The following DNMBP variants were observed in gnomAD, a reference collection of about 807,000 sequenced individuals.
DNMBP encodes the protein dynamin binding protein, also known as dynamin-binding protein.
Under a neutral mutation model 150.0 loss-of-function variants are expected in DNMBP, and 87 were observed. That is an observed-to-expected ratio of 0.58 (90% confidence interval 0.49 to 0.69). The LOEUF (loss-of-function observed/expected upper bound fraction) is 0.69. Among genes scored for constraint, DNMBP ranks in the 30% least tolerant of loss-of-function variants. DNMBP has a pLI of 0.00. For synonymous variants in DNMBP, 711 were observed against 750.4 expected (o/e 0.95, Z 0.86); for missense variants, 1,774 against 1,949.0 (o/e 0.91, Z 1.69).
chr10:99,901,236 C>A (rs2039732797), intron 6 of DNMBP, among the ~76,000 whole-genome samples: 1 of 152,126 alleles, frequency 6.6e-6, no homozygotes, highest in African/African-American at 2.4e-5. Flanking sequence ...GCCATATGTA[C>A]TTCTTTATAA....
At position 99,987,360 on chromosome 10, in the gene DNMBP, A is replaced by G. The variant is rs182332659; in HGVS notation, c.-10-15226T>C. Among the ~76,000 whole-genome samples, 55 of 152,242 alleles carry G rather than the reference A, an allele frequency of 3.6e-4. No homozygotes were observed. In the East Asian group the frequency reaches 0.01, roughly 28 times the overall value. ...CACAACAAATAAATAAGAAAAAGAA[A>G]ATAATATATCCACATGAAAACCCAT... On this transcript the variant is annotated intron_variant, in intron 1 of 16. Coordinates refer to ENST00000324109, the MANE Select transcript of DNMBP (RefSeq NM_015221.4).
At chr10:99,887,418 T>C (rs1590212101) in intron 12 of DNMBP, among the ~76,000 whole-genome samples, 1 of 151,878 alleles carries the variant, frequency 6.6e-6, no homozygotes. Context: ...TCCCAGCTCC[T>C]TGGGAGGCTG....
chr10:99,953,825 G>GAA (rs1387626806), intron 4 of DNMBP, among the ~76,000 whole-genome samples: 1 of 61,914 alleles, frequency 1.6e-5, no homozygotes, highest in African/African-American at 9.8e-5. Flanking sequence ...AAAAAAAAAA[G>GAA]AAAAAAAAGA....
intron 1 of DNMBP, among the ~76,000 whole-genome samples, chr10:99,980,742 C>G (rs921085531): frequency 1.4e-5 from 2 of 142,618 alleles, no homozygotes; most frequent in Non-Finnish European, 3.0e-5. Flanking sequence ...GAGATTGAGG[C>G]TGCCATGAAC....
intron 14 of DNMBP, among the ~76,000 whole-genome samples, chr10:99,884,769 A>G (rs1319972595): frequency 6.6e-6 from 1 of 152,034 alleles, no homozygotes; most frequent in Non-Finnish European, 1.5e-5. Context: ...CAGGCATGGT[A>G]ACGCATGCCT....
chr10:99,953,353 C>G (rs573079306), intron 4 of DNMBP, among the ~76,000 whole-genome samples: 5 of 151,946 alleles, frequency 3.3e-5, no homozygotes, highest in Non-Finnish European at 7.4e-5. Flanking sequence ...CCTACGTCGG[C>G]CTCCCAAAGT....
rs141136204 is a variant in DNMBP, at chr10:99,907,577, G to C, written c.2554+418C>G. On this transcript the variant is annotated intron_variant, in intron 6 of 16. Coordinates refer to ENST00000324109, the MANE Select transcript of DNMBP (RefSeq NM_015221.4). ...ATGACCACGCCCAGCTCTATTTTTA[G>C]TACAGACAGGGTTTCACCATGTTGG... Among the ~76,000 whole-genome samples, 689 of 151,906 alleles carry C rather than the reference G, an allele frequency of 4.5e-3. 18 individuals carry two copies. The highest frequency in any genetic ancestry group is 0.013 in the East Asian group (65 of 5,074).
At chr10:99,892,061 G>A (rs755945615) in intron 11 of DNMBP, among the ~76,000 whole-genome samples, 50 of 133,184 alleles carry the variant, frequency 3.8e-4, no homozygotes, top group Non-Finnish European at 5.9e-4. Flanking sequence ...TCAGCTCCCC[G>A]CCCGGCCAGC....
intron 4 of DNMBP, among the ~76,000 whole-genome samples, chr10:99,936,181 A>T (rs1335053462): frequency 6.6e-6 from 1 of 152,170 alleles, no homozygotes; most frequent in Non-Finnish European, 1.5e-5. Flanking sequence ...AATTAGAGTA[A>T]TTTTTTCAAA....
chr10:99,924,795 G>A (rs2040060075), intron 4 of DNMBP, among the ~76,000 whole-genome samples: 1 of 152,184 alleles, frequency 6.6e-6, no homozygotes, highest in Non-Finnish European at 1.5e-5. Context: ...GAATACCAGA[G>A]TCCTAAAAAC....
At chr10:99,940,397 C>T (rs2040281633) in intron 4 of DNMBP, among the ~76,000 whole-genome samples, 1 of 152,108 alleles carries the variant, frequency 6.6e-6, no homozygotes, top group Admixed American at 6.5e-5. Flanking sequence ...CCTGTGAACC[C>T]AAACACTCTG....
At chr10:99,974,849 G>A (rs374045004) in intron 1 of DNMBP, among the ~76,000 whole-genome samples, 23 of 152,164 alleles carry the variant, frequency 1.5e-4, no homozygotes, top group East Asian at 5.8e-4. Flanking sequence ...CCGTAGCCTC[G>A]ATATCCAGGG....
intron 11 of DNMBP, among the ~76,000 whole-genome samples, chr10:99,893,976 A>T (rs7076166): frequency 1.0e-3 from 154 of 151,986 alleles, no homozygotes; most frequent in African/African-American, 2.1e-3. Context: ...CTTTTTTTTT[A>T]AAAAAGTTAA....
At chr10:99,915,231 A>G (rs2039952581) in intron 4 of DNMBP, among the ~76,000 whole-genome samples, 2 of 150,346 alleles carry the variant, frequency 1.3e-5, no homozygotes, top group Admixed American at 1.3e-4. Flanking sequence ...ACACACACAC[A>G]CACGCATATA....
chr10:99,879,968 C>T lies in DNMBP; in HGVS notation c.4391G>A (p.Arg1464Lys). The T allele has an allele frequency of 6.2e-7, 1 of 1,614,236 alleles. No homozygotes were observed. Among genetic ancestry groups the T allele is most frequent in the Non-Finnish European group, 8.5e-7 (1 of 1,180,044 alleles). ...TGGATGCCTGAAGTTCCGGTAGCTC[C>T]TCGGCGTGGCAGTGGGTTGCTTTAC... ...RDVKQPTATP[R>K]SYRNFRHPEI... Residue 1464 changes from arginine to lysine, a missense_variant, in exon 16 of 17, where the codon AGG becomes AAG. Transcript: ENST00000324109.
chr10:99,924,268 T>C (rs911686498), intron 4 of DNMBP, among the ~76,000 whole-genome samples: 3 of 144,968 alleles, frequency 2.1e-5, no homozygotes, highest in Non-Finnish European at 3.0e-5. Context: ...AAACCCCGTC[T>C]CTACTAAAAA....
chr10:99,972,316 C>T (rs2040687410), intron 1 of DNMBP, among the ~76,000 whole-genome samples, 182 bp from the exon 2 acceptor site: 1 of 152,250 alleles, frequency 6.6e-6, no homozygotes, highest in Non-Finnish European at 1.5e-5. Context: ...ATCGCCCAGG[C>T]TGGAGTGCAG....
At chr10:99,884,341 T>C in intron 14 of DNMBP, 132 bp from the exon 15 acceptor site, 2 of 794,186 alleles carry the variant, frequency 2.5e-6, no homozygotes, top group Admixed American at 2.8e-5. Flanking sequence ...TCCCATCAGA[T>C]GTTTTTGTGA....
intron 4 of DNMBP, among the ~76,000 whole-genome samples, chr10:99,925,942 T>C (rs2040073317): frequency 6.6e-6 from 1 of 152,234 alleles, no homozygotes; most frequent in Non-Finnish European, 1.5e-5. Context: ...ATTGTGGCTA[T>C]ATAAGCTTCC....
Sources: gnomAD v4.1 joint callset for allele counts (sites outside exome capture counted in the v4.1 genomes callset) on GRCh38, gnomAD v4.1.1 for gene constraint, MANE v1.5 for transcripts, NCBI Gene and HGNC (gene_info 2026-07-23, HGNC 2026-07-21) for gene names.